Variants in DENND2B observed in about 807,000 individuals in gnomAD.
DENND2B encodes the protein DENN domain containing 2B.
DENND2B carries 32 observed loss-of-function variants against 116.0 expected under a neutral mutation model. That is an observed-to-expected ratio of 0.28 (90% CI 0.21 to 0.37). The LOEUF (loss-of-function observed/expected upper bound fraction) is 0.37. DENND2B is among the 10% of genes least tolerant of loss of function. DENND2B has a pLI of 1.00. For synonymous variants in DENND2B, 588 were observed against 583.9 expected (o/e 1.01, Z -0.10); for missense variants, 1,276 against 1,477.7 (o/e 0.86, Z 2.24).
At chr11:8,718,676 C>G in intron 4 of DENND2B, 1 of 1,228,112 alleles carries the variant, frequency 8.1e-7, no homozygotes, top group Admixed American at 3.9e-5. Context: ...GGAGTCTGGG[C>G]CAAAGGGTGG....
chr11:8,855,398 T>G (rs1454692412), intron 3 of DENND2B, among the ~76,000 whole-genome samples: 2 of 150,972 alleles, frequency 1.3e-5, no homozygotes, highest in Non-Finnish European at 3.0e-5. Flanking sequence ...CCTCTCTAGA[T>G]GACGGGAAAA....
At chr11:8,769,803 A>G (rs941264280) in intron 1 of DENND2B, among the ~76,000 whole-genome samples, 10 of 152,142 alleles carry the variant, frequency 6.6e-5, no homozygotes, top group Non-Finnish European at 1.0e-4. Context: ...TCTGTCCCTT[A>G]TGACATTTCA....
At chr11:8,752,802 G>A (rs1478871230) in intron 1 of DENND2B, among the ~76,000 whole-genome samples, 1 of 152,176 alleles carries the variant, frequency 6.6e-6, no homozygotes, top group Non-Finnish European at 1.5e-5. Flanking sequence ...GTACATTTGG[G>A]TTGGAAAGAA....
intron 1 of DENND2B, among the ~76,000 whole-genome samples, chr11:8,754,230 TAA>T (rs2053207725): frequency 6.6e-6 from 1 of 152,008 alleles, no homozygotes; most frequent in African/African-American, 2.4e-5. Context: ...AACTCAATAA[TAA>T]AAAAGTAACC....
At chr11:8,718,733 G>A in intron 4 of DENND2B, 1 of 1,101,238 alleles carries the variant, frequency 9.1e-7, no homozygotes, top group Non-Finnish European at 1.1e-6. Flanking sequence ...AAAATCTCTG[G>A]CAGCGGGCAT....
At chr11:8,842,128 T>C (rs1311933991) in intron 3 of DENND2B, among the ~76,000 whole-genome samples, 3 of 152,202 alleles carry the variant, frequency 2.0e-5, no homozygotes, top group African/African-American at 4.8e-5. Context: ...AGTATCAAGT[T>C]GTGAACGGCA....
intron 4 of DENND2B, among the ~76,000 whole-genome samples, chr11:8,724,716 T>G (rs1406920354): frequency 1.3e-5 from 2 of 152,220 alleles, no homozygotes; most frequent in African/African-American, 4.8e-5. Flanking sequence ...CAAGAGGAAC[T>G]GACAGTTCCA....
At chr11:8,781,037 C>T (rs1013143931) in intron 1 of DENND2B, among the ~76,000 whole-genome samples, 2 of 152,048 alleles carry the variant, frequency 1.3e-5, no homozygotes, top group African/African-American at 2.4e-5. Flanking sequence ...AGGGAATCTC[C>T]GAGTTCAGCA....
rs144685588 is a variant in DENND2B, at chr11:8,851,151, C to G, written c.-156+6192G>C. Among the ~76,000 whole-genome samples, 293 of 152,170 alleles carry G rather than the reference C, an allele frequency of 1.9e-3. 1 individual carries two copies. Among genetic ancestry groups the G allele is most frequent in the Non-Finnish European group, 3.3e-3 (225 of 68,008 alleles). ...ATAGTTAATAACAATACATCACATA[C>G]TTGAAAATTACTAATAGTGTAGATT... is the stretch of plus-strand genomic sequence containing the variant. On this transcript the variant is annotated intron_variant, in intron 3 of 6. Coordinates refer to the DENND2B transcript ENST00000524757.
At chr11:8,870,643 C>T (rs1305740080) in intron 2 of DENND2B, among the ~76,000 whole-genome samples, 1 of 152,030 alleles carries the variant, frequency 6.6e-6, no homozygotes, top group Non-Finnish European at 1.5e-5. Flanking sequence ...CCCAGGACGT[C>T]CCGAGATCGG....
At chr11:8,859,396 C>T (rs898209476) in intron 2 of DENND2B, among the ~76,000 whole-genome samples, 1 of 152,276 alleles carries the variant, frequency 6.6e-6, no homozygotes, top group Non-Finnish European at 1.5e-5. Flanking sequence ...CAAGCTCCGC[C>T]TCCCGGGTTC....
At chr11:8,837,345 T>C (rs1434893934) in intron 4 of DENND2B, among the ~76,000 whole-genome samples, 1 of 150,674 alleles carries the variant, frequency 6.6e-6, no homozygotes, top group Non-Finnish European at 1.5e-5. Context: ...TACTCAGTTG[T>C]TTCCCTTTAT....
intron 1 of DENND2B, among the ~76,000 whole-genome samples, chr11:8,751,036 C>A (rs993352098): frequency 1.3e-5 from 2 of 152,006 alleles, no homozygotes; most frequent in Admixed American, 6.5e-5. Flanking sequence ...ATGCACCAAT[C>A]GGCACTCTGT....
chr11:8,725,002 C>T (rs913777974), intron 4 of DENND2B, among the ~76,000 whole-genome samples: 2 of 152,198 alleles, frequency 1.3e-5, no homozygotes, highest in Admixed American at 6.5e-5. Flanking sequence ...AGGGGAAACC[C>T]GTGTGAACAC....
At chr11:8,817,470 G>A (rs562464320) in intron 4 of DENND2B, among the ~76,000 whole-genome samples, 15 of 152,176 alleles carry the variant, frequency 9.9e-5, no homozygotes, top group African/African-American at 3.1e-4. Context: ...TTTATGATAG[G>A]AAGTTTTCCC....
Position 8,694,024 on chromosome 11 carries a change from G to A in DENND2B, c.*72C>T. On this transcript the variant is annotated 3_prime_UTR_variant, in exon 20 of 20. Coordinates refer to ENST00000313726, the MANE Select transcript of DENND2B (RefSeq NM_213618.2). Reference sequence around the variant, plus strand: ...GCAGAGGAGCCACAGCAGCCCAGAGGGTCCCAGGCTGGGCCTTCTCCCCAG... The same window carrying A: ...GCAGAGGAGCCACAGCAGCCCAGAGAGTCCCAGGCTGGGCCTTCTCCCCAG... 1 of 1,567,798 alleles carries A rather than the reference G, an allele frequency of 6.4e-7. No homozygotes were observed.
chr11:8,774,223 C>T, intron 1 of DENND2B: 1 of 985,476 alleles, frequency 1.0e-6, no homozygotes, highest in Non-Finnish European at 1.2e-6. Flanking sequence ...CTACCTCCAC[C>T]CTTCAGCCCT....
At chr11:8,705,165 C>T (rs76667021) in intron 13 of DENND2B, among the ~76,000 whole-genome samples, 216 of 152,316 alleles carry the variant, frequency 1.4e-3, no homozygotes, top group African/African-American at 4.8e-3. Flanking sequence ...CAGCTCAAAC[C>T]TCTTCCTCTG....
rs1195358863 is a variant in DENND2B at position 8,715,784 on chromosome 11, C to T, written c.1664G>A (p.Ser555Asn). Residue 555 changes from serine to asparagine, a missense_variant, in exon 6 of 20, where the codon AGT becomes AAT. Around this residue, in one of 2 missense-constraint regions of DENND2B, gnomAD observed 856 missense variants for 846.6 expected, o/e 1.01. Coordinates refer to ENST00000313726, the MANE Select transcript of DENND2B (RefSeq NM_213618.2). Reference protein sequence around the residue: ...SLKPNSQSLRSGNWSERKSHR... With the variant: ...SLKPNSQSLRNGNWSERKSHR... ...GCTCTTCCTTTCTGACCAGTTCCCA[C>T]TGCGCAGGGACTGGCTGTTGGGTTT... The T allele has an allele frequency of 6.2e-7, 1 of 1,612,020 alleles. No individual in the cohort carries two copies. The highest frequency in any genetic ancestry group is 1.7e-5 in the Admixed American group (1 of 59,978).
Sources: allele counts gnomAD v4.1 joint callset (sites outside exome capture counted in the v4.1 genomes callset), GRCh38; gene constraint gnomAD v4.1.1; regional missense constraint gnomAD v4.1.1; transcripts MANE v1.5; gene names NCBI Gene and HGNC (gene_info 2026-07-23, HGNC 2026-07-21).